The following NLRC3 variants were observed in gnomAD, a reference collection of about 807,000 sequenced individuals.
NLRC3 encodes the protein NLR family CARD domain-containing protein 3.
NLRC3 carries 87 observed loss-of-function variants against 91.6 expected under a neutral mutation model. That is an observed-to-expected ratio of 0.95 (90% CI 0.80 to 1.14). The LOEUF (loss-of-function observed/expected upper bound fraction) is 1.14. Among genes scored for constraint, NLRC3 ranks in the 50% most tolerant of loss-of-function variants. The pLI is 0.00. For missense variants in NLRC3, 1,577 were observed against 1,418.6 expected, an observed-to-expected ratio of 1.11 and a Z score of -1.79; for synonymous variants, 694 against 625.3, an observed-to-expected ratio of 1.11 and a Z score of -1.64.
Position 3,541,625 on chromosome 16 carries a change from C to G in NLRC3, c.*200G>C. 3 of 592,460 alleles carry G rather than the reference C, an allele frequency of 5.1e-6. No individual in the cohort carries two copies. The highest frequency in any genetic ancestry group is 9.0e-6 in the Non-Finnish European group (3 of 332,928). The allele number at this position is 592,460 out of a possible 1,614,324, so 36.7% of individuals were successfully genotyped here. On this transcript the variant is annotated 3_prime_UTR_variant, in exon 20 of 20. Coordinates refer to ENST00000359128, the MANE Select transcript of NLRC3 (RefSeq NM_178844.4). ...GTGCCATAACAGAGTACCCGTCACCCCCTGCCTGGACCACTCCTGCAGCAG... is the reference window on the plus strand; with the variant it reads ...GTGCCATAACAGAGTACCCGTCACCGCCTGCCTGGACCACTCCTGCAGCAG...
rs199854307 is a variant in NLRC3 at position 3,563,169 on chromosome 16, C to T, written c.1768G>A (p.Gly590Arg). 64 of 1,591,734 alleles carry T rather than the reference C, an allele frequency of 4.0e-5. No homozygotes were observed. Among genetic ancestry groups the T allele is most frequent in the Admixed American group, 1.7e-4 (10 of 57,846 alleles). ...ARSVEEAMES[G>R]ALARLTGPAH... ...GGACCAGTCAGCCTGGCCAGGGCCC[C>T]GCTCTCCATGGCCTCCTCCACGCTG... Residue 590 changes from glycine to arginine, a missense_variant, in exon 5 of 20, where the codon GGG becomes AGG. Gly to Arg is a moderately radical substitution (Grantham distance 125). Coordinates refer to ENST00000359128, the MANE Select transcript of NLRC3 (RefSeq NM_178844.4).
Position 3,560,817 on chromosome 16 carries a change from G to A in NLRC3, c.2015+885C>T, listed in dbSNP as rs370066728. Among the ~76,000 whole-genome samples the A allele has an allele frequency of 4.0e-5, 6 of 151,208 alleles. No individual in the cohort carries two copies. The East Asian group carries it at 1.2e-3, about 30-fold the overall frequency. On this transcript the variant is annotated intron_variant, in intron 6 of 19. Coordinates refer to ENST00000359128, the MANE Select transcript of NLRC3 (RefSeq NM_178844.4). ...TGGGACTACAGGCGCCCACCACCAC[G>A]CCCGGCTAATTTTTTGTATTTTTAG...
At chr16:3,542,073 G>A in intron 19 of NLRC3, 118 bp downstream of exon 19, 1 of 847,498 alleles carries the variant, frequency 1.2e-6, no homozygotes, top group Non-Finnish European at 2.0e-6. Context: ...CTTAGACCAG[G>A]TTTCCCTATA....
chr16:3,553,383 A>T lies in NLRC3; in HGVS notation c.2267+859T>A, dbSNP rs137960598. Among the ~76,000 whole-genome samples, 566 of 152,368 alleles carry T rather than the reference A, an allele frequency of 3.7e-3. 3 individuals carry two copies. The highest frequency in any genetic ancestry group is 0.013 in the African/African-American group (538 of 41,588). On this transcript the variant is annotated intron_variant, in intron 9 of 19. Coordinates refer to ENST00000359128, the MANE Select transcript of NLRC3 (RefSeq NM_178844.4). ...CTTCCCTGCCTTCGGGAATTAGGCT[A>T]GGTATCTGGCTTGAAGCTCTAAAGT...
intron 15 of NLRC3, among the ~76,000 whole-genome samples, chr16:3,546,478 A>C (rs919560702): frequency 6.6e-6 from 1 of 151,702 alleles, no homozygotes; most frequent in Admixed American, 6.6e-5. Flanking sequence ...AATCGCTTGG[A>C]CCTGGGAGGC....
intron 13 of NLRC3, among the ~76,000 whole-genome samples, 186 bp downstream of exon 13, chr16:3,548,956 C>T (rs2038846810): frequency 6.6e-6 from 1 of 152,206 alleles, no homozygotes; most frequent in Admixed American, 6.5e-5. Context: ...CTAGCCTCAC[C>T]CTCGTGCAGT....
At chr16:3,542,408 G>A (rs972628737) in intron 18 of NLRC3, 134 bp from the exon 19 acceptor site, 3 of 683,330 alleles carry the variant, frequency 4.4e-6, no homozygotes, top group African/African-American at 1.8e-5. Context: ...AACTCCAGGT[G>A]GGAGTTGACC....
chr16:3,561,780 G>A lies in NLRC3; in HGVS notation c.1937C>T (p.Thr646Ile). The A allele has an allele frequency of 6.2e-7, 1 of 1,613,274 alleles. No homozygotes were observed. The highest frequency in any genetic ancestry group is 8.5e-7 in the Non-Finnish European group (1 of 1,179,504). ...LLYCRKLRLD[T>I]NQFQDPVMEL... Reference sequence around the variant, plus strand: ...CATCACGGGGTCCTGGAACTGGTTGGTGTCCAGCCTGGCCAAGGGGAGCAG... The same window carrying A: ...CATCACGGGGTCCTGGAACTGGTTGATGTCCAGCCTGGCCAAGGGGAGCAG... The change falls in exon 6 of 20, where the codon ACC (threonine) becomes ATC (isoleucine). Residue 646 changes from threonine to isoleucine, a missense_variant. Coordinates refer to ENST00000359128, the MANE Select transcript of NLRC3 (RefSeq NM_178844.4).
chr16:3,551,147 A>G (rs1204167693), intron 10 of NLRC3, among the ~76,000 whole-genome samples: 1 of 150,082 alleles, frequency 6.7e-6, no homozygotes, highest in African/African-American at 2.5e-5. Context: ...CCATCCACTC[A>G]CCTATTCTCC....
chr16:3,567,101 A>C (rs1387429844), intron 2 of NLRC3, 142 bp downstream of exon 2: 2 of 152,202 alleles, frequency 1.3e-5, no homozygotes, highest in Non-Finnish European at 2.9e-5. Context: ...AGAGATGCTG[A>C]GAGGCAAAGC....
At chr16:3,551,869 C>G (rs532773921) in intron 10 of NLRC3, among the ~76,000 whole-genome samples, 1 of 149,268 alleles carries the variant, frequency 6.7e-6, no homozygotes, top group East Asian at 2.0e-4. Context: ...ACCCACCCAA[C>G]CATCCATCCA....
At position 3,541,735 on chromosome 16, in the gene NLRC3, A is replaced by G. The variant is rs1277747875; in HGVS notation, c.*90T>C. 4 of 847,898 alleles carry G rather than the reference A, an allele frequency of 4.7e-6. No individual in the cohort carries two copies. The Admixed American group carries it at 8.3e-5, about 18-fold the overall frequency. 52.5% of individuals were successfully genotyped at this position (847,898 alleles called of 1,614,324 possible). The stretch of plus-strand genomic sequence containing the variant: ...CTCGTGCTGAGCAAGCAGCGTTCCC[A>G]GCTCCCAGACAGGCCCCCCAGAAGT... On this transcript the variant is annotated 3_prime_UTR_variant, in exon 20 of 20. Coordinates refer to ENST00000359128, the MANE Select transcript of NLRC3 (RefSeq NM_178844.4).
chr16:3,565,273 G>A, intron 3 of NLRC3, 46 bp downstream of exon 3: 1 of 688,232 alleles, frequency 1.5e-6, no homozygotes, highest in East Asian at 2.8e-5. Context: ...GGGCCCAGTG[G>A]ATGATAACTG....
rs1166167969 is a variant in NLRC3, at chr16:3,563,237, A to G, written c.1700T>C (p.Val567Ala). 1.2e-6 allele frequency: 2 copies of G among 1,605,808 alleles called. No individual in the cohort carries two copies. The highest frequency in any genetic ancestry group is 1.7e-6 in the Non-Finnish European group (2 of 1,178,284). Reference sequence around the variant, plus strand: ...CTGCAGCTCATGCAGGCAGTGCAACACGTTGATGGCCCGTGCACAGACTGC... The same window carrying G: ...CTGCAGCTCATGCAGGCAGTGCAACGCGTTGATGGCCCGTGCACAGACTGC... ...DAAVCARAINVLHCLHELQHT... is the reference protein window; with the variant it reads ...DAAVCARAINALHCLHELQHT... The change falls in exon 5 of 20, where the codon GTG becomes GCG. Residue 567 changes from valine to alanine, a missense_variant. Physicochemically the swap from Val to Ala is moderately conservative, Grantham distance 64. Transcript: ENST00000359128.
chr16:3,551,806 T>G, intron 10 of NLRC3, among the ~76,000 whole-genome samples: 1 of 148,896 alleles, frequency 6.7e-6, no homozygotes, highest in Non-Finnish European at 1.5e-5. Context: ...CATTTATCCA[T>G]TCATTCACCC....
intron 15 of NLRC3, chr16:3,545,612 A>G (rs1172903514): frequency 6.6e-6 from 1 of 152,240 alleles, no homozygotes; most frequent in African/African-American, 2.4e-5. Context: ...TCAGGTGGGA[A>G]GACATGATTA....
chr16:3,563,754 T>G lies in NLRC3; in HGVS notation c.1183A>C (p.Lys395Gln), dbSNP rs529147199. 6.2e-7 allele frequency: 1 copy of G among 1,613,448 alleles called. No individual in the cohort carries two copies. Among genetic ancestry groups the G allele is most frequent in the East Asian group, 2.2e-5 (1 of 44,858 alleles). ...AGACGGCCCAATGTCCCCACCATCT[T>G]GCGGCCACCATGGGCCACCTGCTCG... ...RIEQVAHGGRKMVGTLGRLAF... is the reference protein window; with the variant it reads ...RIEQVAHGGRQMVGTLGRLAF... Residue 395 changes from lysine to glutamine, a missense_variant, in exon 5 of 20, where the codon AAG becomes CAG. Physicochemically the swap from Lys to Gln is moderately conservative, Grantham distance 53 (BLOSUM62 1). Coordinates refer to ENST00000359128, the MANE Select transcript of NLRC3 (RefSeq NM_178844.4).
At position 3,540,706 on chromosome 16, in the gene NLRC3, G is replaced by A. The variant is rs1394481125; in HGVS notation, c.*1119C>T. The A allele has an allele frequency of 6.6e-6, 1 of 152,290 alleles. No individual in the cohort carries two copies. Among genetic ancestry groups the A allele is most frequent in the African/African-American group, 2.4e-5 (1 of 41,462 alleles). 9.4% of individuals were successfully genotyped at this position (152,290 alleles called of 1,614,324 possible). A position where few individuals can be genotyped will look rare whatever the true frequency, so the allele number is the denominator to read the frequency against. ...TAGACCCAACTACTTGGGAGGCCGAGGCAGGAGAATCACTGGAACCCATGA... is the reference window on the plus strand; with the variant it reads ...TAGACCCAACTACTTGGGAGGCCGAAGCAGGAGAATCACTGGAACCCATGA... On this transcript the variant is annotated 3_prime_UTR_variant, in exon 20 of 20. Coordinates refer to ENST00000359128, the MANE Select transcript of NLRC3 (RefSeq NM_178844.4).
At chr16:3,559,853 G>A (rs2039525409) in intron 6 of NLRC3, among the ~76,000 whole-genome samples, 1 of 151,696 alleles carries the variant, frequency 6.6e-6, no homozygotes, top group Non-Finnish European at 1.5e-5. Flanking sequence ...AGTTTGACCA[G>A]GCTGGTCTCG....
Sources: gnomAD v4.1 joint callset for allele counts (sites outside exome capture counted in the v4.1 genomes callset) on GRCh38, gnomAD v4.1.1 for gene constraint, MANE v1.5 for transcripts, NCBI Gene and HGNC (gene_info 2026-07-23, HGNC 2026-07-21) for gene names.